SLC6A3: variants seen among roughly 807,000 people sequenced by gnomAD.
SLC6A3 encodes sodium-dependent dopamine transporter.
SLC6A3 carries 19 observed loss-of-function variants against 70.4 expected under a neutral mutation model. The observed-to-expected ratio is 0.27, with a 90% CI of 0.19 to 0.40. The LOEUF (loss-of-function observed/expected upper bound fraction) is 0.40, where lower values mean the gene tolerates loss of function less well. Ranked by LOEUF, SLC6A3 falls within the 10% of genes least tolerant of loss-of-function variation. The probability of loss-of-function intolerance (pLI) is 1.00; values close to 1 mark genes in which losing one functional copy is unlikely to be tolerated. For synonymous variants in SLC6A3, 368 were observed against 356.6 expected, an observed-to-expected ratio of 1.03 and a Z score of -0.36; for missense variants, 613 against 838.5, an observed-to-expected ratio of 0.73 and a Z score of 3.32.
At position 1,395,386 on chromosome 5, in the gene SLC6A3, C is replaced by T. The variant is rs37014; in HGVS notation, c.1840-628G>A. On this transcript the variant is annotated intron_variant, in intron 14 of 14. Transcript: ENST00000270349. Reference sequence around the variant, plus strand: ...TGAGCGTCAAAGCCCCTCGATAGCACTAAATGGCAAGAAGTGTGCTTCATA... The same window carrying T: ...TGAGCGTCAAAGCCCCTCGATAGCATTAAATGGCAAGAAGTGTGCTTCATA... 3.6e-4 allele frequency among the ~76,000 whole-genome samples: 55 copies of T among 152,374 alleles called. 1 individual carries two copies. In the East Asian group the frequency reaches 0.01, roughly 28 times the overall value.
At position 1,421,947 on chromosome 5, in the gene SLC6A3, T is replaced by C; in HGVS notation, c.721A>G (p.Thr241Ala). 6.2e-7 allele frequency: 1 copy of C among 1,613,160 alleles called. No individual in the cohort carries two copies. Among genetic ancestry groups the C allele is most frequent in the East Asian group, 2.2e-5 (1 of 44,886 alleles). The stretch of plus-strand genomic sequence containing the variant: ...ACGATGACCAGCACCAGGCAGGCTG[T>C]GAGCTGCCACCGCGGAGGCCCCAGG... Reference protein sequence around the residue: ...DDLGPPRWQLTACLVLVIVLL... With the variant: ...DDLGPPRWQLAACLVLVIVLL... The change falls in exon 5 of 15, where the codon ACA becomes GCA. Residue 241 changes from threonine (T) to alanine (A), a missense_variant. Thr to Ala is a moderately conservative substitution (Grantham distance 58). Coordinates refer to ENST00000270349, the MANE Select transcript of SLC6A3 (RefSeq NM_001044.5). This position sits in a 1 kb window ranked among gnomAD's most constrained non-coding sequence, Gnocchi z 7.2.
rs753340700 is a variant in SLC6A3, at chr5:1,394,760, T to TGGAAA, written c.1840-7_1840-3dup. The TGGAAA allele has an allele frequency of 4.5e-5, 72 of 1,614,096 alleles. 1 individual carries two copies. In the Middle Eastern group the frequency reaches 9.6e-3, roughly 214 times the overall value. ...CTACACCTTGAGCCAGTGGCGGAGC[T>TGGAAA]GGAAAGAAAACAGGTTTAGTCAGAA... On this transcript the variant is annotated splice_region_variant and splice_polypyrimidine_tract_variant and intron_variant, in intron 14 of 14. Coordinates refer to ENST00000270349, the MANE Select transcript of SLC6A3 (RefSeq NM_001044.5). The surrounding 1 kb of genome is among the most constrained non-coding windows in gnomAD (Gnocchi z 4.7).
At chr5:1,414,596 G>A (rs1756232700) in intron 8 of SLC6A3, 95 bp downstream of exon 8, 1 of 1,444,042 alleles carries the variant, frequency 6.9e-7, no homozygotes, top group Non-Finnish European at 9.4e-7. Context: ...CAGGGCCCAT[G>A]CGTCTCCTTC....
intron 4 of SLC6A3, among the ~76,000 whole-genome samples, chr5:1,423,061 GCTGGGTA>G (rs1756490733): frequency 6.1e-5 from 5 of 81,824 alleles, no homozygotes; most frequent in Admixed American, 3.9e-4. Context: ...TGCCCAAGGT[GCTGGGTA>G]CCCACCACTG....
At chr5:1,420,303 C>T (rs553720234) in intron 6 of SLC6A3, among the ~76,000 whole-genome samples, 8 of 152,328 alleles carry the variant, frequency 5.3e-5, no homozygotes, top group East Asian at 1.9e-4. Flanking sequence ...CTCCTCTCTC[C>T]GGGAGGCTTT....
intron 9 of SLC6A3, 115 bp from the exon 10 acceptor site, chr5:1,409,964 G>T: frequency 7.5e-7 from 1 of 1,327,898 alleles, no homozygotes; most frequent in Admixed American, 1.7e-5. Flanking sequence ...ACGGAACAGG[G>T]GCCACATGGC....
chr5:1,416,148 C>T lies in SLC6A3; in HGVS notation c.981G>A (p.Gly327=), dbSNP rs1253197013. 5 of 1,613,996 alleles carry T rather than the reference C, an allele frequency of 3.1e-6. No homozygotes were observed. The highest frequency in any genetic ancestry group is 4.2e-6 in the Non-Finnish European group (5 of 1,179,996). Residue 327 remains glycine, a synonymous_variant, in exon 7 of 15, where the codon GGG becomes GGA. Transcript: ENST00000270349. ...TGTAGCTGGAGAAGGCGATCAGCAC[C>T]CCGAACCCCACGCCCAGGGAGAAGC... ...QVCFSLGVGF[G]VLIAFSSYNK...
chr5:1,422,850 T>C (rs573235787), intron 4 of SLC6A3, among the ~76,000 whole-genome samples: 29 of 27,408 alleles, frequency 1.1e-3, no homozygotes, highest in Admixed American at 1.6e-3. Context: ...GGGTGCCCAC[T>C]GCTGCCCAGT....
chr5:1,434,308 A>T (rs1756779113), intron 3 of SLC6A3, among the ~76,000 whole-genome samples: 1 of 152,072 alleles, frequency 6.6e-6, no homozygotes, highest in African/African-American at 2.4e-5. Flanking sequence ...GCCATGTTTG[A>T]CCTTCCGAGG....
chr5:1,443,590 C>T (rs985064588), intron 1 of SLC6A3, among the ~76,000 whole-genome samples: 5 of 152,234 alleles, frequency 3.3e-5, no homozygotes, highest in African/African-American at 1.2e-4. Context: ...CTTCCACCTT[C>T]CCCCACACTT....
intron 11 of SLC6A3, among the ~76,000 whole-genome samples, chr5:1,407,929 T>C (rs1425872522): frequency 6.6e-6 from 1 of 152,190 alleles, no homozygotes; most frequent in Non-Finnish European, 1.5e-5. Context: ...TGTTTGCAGG[T>C]GAGCTGGGCG....
rs537396675 is a variant in SLC6A3, at chr5:1,401,466, G to A, written c.1768-480C>T. 1.2e-4 allele frequency among the ~76,000 whole-genome samples: 18 copies of A among 152,316 alleles called. No homozygotes were observed. Among genetic ancestry groups the A allele is most frequent in the South Asian group, 1.0e-3 (5 of 4,830 alleles). ...TGAACGTGCCTTCCTTCCACTGCCC[G>A]CTGCGGCAGCTCCTGGGGCCTGGAC... On this transcript the variant is annotated intron_variant, in intron 13 of 14. Coordinates refer to ENST00000270349, the MANE Select transcript of SLC6A3 (RefSeq NM_001044.5). This position sits in a 1 kb window ranked among gnomAD's most constrained non-coding sequence, Gnocchi z 6.1.
intron 12 of SLC6A3, among the ~76,000 whole-genome samples, chr5:1,403,479 C>T (rs865912186): frequency 6.7e-6 from 1 of 149,114 alleles, no homozygotes; most frequent in South Asian, 2.2e-4. Context: ...CATCCCATCC[C>T]ATCATGTTCT....
At chr5:1,412,497 C>T (rs113245641) in intron 8 of SLC6A3, among the ~76,000 whole-genome samples, 9 of 152,224 alleles carry the variant, frequency 5.9e-5, no homozygotes, top group Admixed American at 1.3e-4. Context: ...TCTCGGGAAA[C>T]GACACGTGCT....
At position 1,409,018 on chromosome 5, in the gene SLC6A3, G is replaced by A. The variant is rs764734409; in HGVS notation, c.1498+8C>T. The A allele has an allele frequency of 2.2e-5, 36 of 1,600,218 alleles. No homozygotes were observed. Among genetic ancestry groups the A allele is most frequent in the Admixed American group, 5.0e-5 (3 of 59,920 alleles). On this transcript the variant is annotated splice_region_variant and intron_variant, in intron 11 of 14. Transcript: ENST00000270349. ...GGTGCCGGCTTGGCTGCCTTCCCCC[G>A]GACTCACCATAGAACCAGGCCACTC...
chr5:1,393,131 G>A lies in SLC6A3; in HGVS notation c.*1604C>T, dbSNP rs987773319. 1.3e-5 allele frequency: 2 copies of A among 152,212 alleles called. No individual in the cohort carries two copies. The highest frequency in any genetic ancestry group is 2.9e-5 in the Non-Finnish European group (2 of 68,034). The allele number at this position is 152,212 out of a possible 1,614,324, so 9.4% of individuals were successfully genotyped here. ...GCTGCCTGGCAGTTCACAGGCTGAC[G>A]GCTCCCACCGAGCATTACACTCCAG... is the stretch of plus-strand genomic sequence containing the variant. On this transcript the variant is annotated 3_prime_UTR_variant, in exon 15 of 15. Transcript: ENST00000270349.
rs1420404974 is a variant in SLC6A3 at position 1,401,350 on chromosome 5, A to G, written c.1768-364T>C. ...GGGCTCTGAGTAAGAAAGTGCCCAC[A>G]CCCAGGTGGGCTGCCTCGGGGCCAC... On this transcript the variant is annotated intron_variant, in intron 13 of 14. Coordinates refer to ENST00000270349, the MANE Select transcript of SLC6A3 (RefSeq NM_001044.5). The surrounding 1 kb of genome is among the most constrained non-coding windows in gnomAD (Gnocchi z 6.1). 7.3e-5 allele frequency: 36 copies of G among 494,810 alleles called. No homozygotes were observed. The East Asian group carries it at 1.8e-3, about 24-fold the overall frequency. The allele number at this position is 494,810 out of a possible 1,614,324, so 30.7% of individuals were successfully genotyped here. A position where few individuals can be genotyped will look rare whatever the true frequency, so the allele number is the denominator to read the frequency against.
At position 1,420,152 on chromosome 5, in the gene SLC6A3, GC is replaced by G. The variant is rs571254972; in HGVS notation, c.927+416del. On this transcript the variant is annotated intron_variant, in intron 6 of 14. Transcript: ENST00000270349. ...CTTAGTCCACCTGATTTCCAACGAT[GC>G]CCCAAGGGAGCTGCCATTTTTGTCA... Among the ~76,000 whole-genome samples, 4 of 152,286 alleles carry G rather than the reference GC, an allele frequency of 2.6e-5. No homozygotes were observed. The South Asian group carries it at 8.3e-4, about 32-fold the overall frequency.
Position 1,423,261 on chromosome 5 carries a change from G to A in SLC6A3, c.654-1247C>T, listed in dbSNP as rs2975285. 8.8e-3 allele frequency among the ~76,000 whole-genome samples: 957 copies of A among 108,270 alleles called. 162 individuals carry two copies. Among genetic ancestry groups the A allele is most frequent in the African/African-American group, 0.034 (903 of 26,174 alleles). The allele number at this position is 108,270 out of a possible 152,430, so 71.0% of individuals were successfully genotyped here. On this transcript the variant is annotated intron_variant, in intron 4 of 14. Transcript: ENST00000270349. ...CTGCCCATGGTGCTGGGTACCCACT[G>A]CTGCCCACAGTGCTGCCCACGGTGC...
Sources: allele counts gnomAD v4.1 joint callset (sites outside exome capture counted in the v4.1 genomes callset), GRCh38; gene constraint gnomAD v4.1.1; non-coding constraint Gnocchi (gnomAD v3.1); transcripts MANE v1.5; gene names NCBI Gene and HGNC (gene_info 2026-07-23, HGNC 2026-07-21).